The following PCDH11X variants were observed in gnomAD, a reference collection of about 807,000 sequenced individuals.
The protein encoded by PCDH11X is protocadherin 11 X-linked, also known as protocadherin-11 X-linked.
In PCDH11X, 18 loss-of-function variants were observed where a neutral mutation model predicts 53.3. The ratio of observed to expected loss-of-function variants is 0.34; its 90% CI spans 0.23 to 0.50. The LOEUF is 0.50. Among genes scored for constraint, PCDH11X ranks in the 20% least tolerant of loss-of-function variants. PCDH11X has a pLI of 0.98. For synonymous variants in PCDH11X, 279 were observed against 393.3 expected, an observed-to-expected ratio of 0.71 and a Z score of 3.44; for missense variants, 570 against 1,032.4, an observed-to-expected ratio of 0.55 and a Z score of 6.14.
In PCDH11X at chrX:91,971,378, A is replaced by G. The variant is rs773522226; in HGVS notation, c.3033+92105A>G. Among the ~76,000 whole-genome samples the G allele has an allele frequency of 2.3e-3, 253 of 108,442 alleles. 2 individuals are homozygous for G. Among genetic ancestry groups the G allele is most frequent in the African/African-American group, 8.1e-3 (239 of 29,627 alleles). The allele number at this position is 108,442 out of a possible 115,157, so 94.2% of individuals were successfully genotyped here. A position where few individuals can be genotyped will look rare whatever the true frequency, so the allele number is the denominator to read the frequency against. On this transcript the variant is annotated intron_variant, in intron 6 of 10. Transcript: ENST00000682573. ...ACTCTTGTTAAGGGGAGCTCTGTAGACATTTATGTCTGGGGGAATATGTTA... is the reference window on the plus strand; with the variant it reads ...ACTCTTGTTAAGGGGAGCTCTGTAGGCATTTATGTCTGGGGGAATATGTTA...
intron 8 of PCDH11X, among the ~76,000 whole-genome samples, chrX:92,381,385 A>G (rs1236892827): frequency 1.8e-5 from 2 of 111,529 alleles, no homozygotes; most frequent in Non-Finnish European, 3.8e-5. Flanking sequence ...TTTCATATAC[A>G]CCAGAATGGG....
chrX:92,551,109 G>T (rs1443322794), intron 10 of PCDH11X, among the ~76,000 whole-genome samples: 1 of 110,444 alleles, frequency 9.1e-6, no homozygotes, highest in Non-Finnish European at 1.9e-5. Flanking sequence ...CCAAGCAGGG[G>T]AATTGCTGGA....
intron 6 of PCDH11X, among the ~76,000 whole-genome samples, chrX:91,950,601 TATATATAC>T (rs2061628088): frequency 9.6e-6 from 1 of 103,870 alleles, no homozygotes; most frequent in African/African-American, 3.6e-5. Flanking sequence ...TATATATATA[TATATATAC>T]ACACACACAT....
chrX:92,337,122 A>G (rs1158334372), intron 8 of PCDH11X, among the ~76,000 whole-genome samples: 1 of 109,491 alleles, frequency 9.1e-6, no homozygotes, highest in Non-Finnish European at 1.9e-5. Flanking sequence ...ATGAAAAGTT[A>G]CTGGAGATAG....
At chrX:92,460,111 A>G in intron 9 of PCDH11X, 6 of 1,071,733 alleles carry the variant, frequency 5.6e-6, no homozygotes, top group Non-Finnish European at 7.7e-6. Flanking sequence ...CAATGCCTGC[A>G]TCGTTCTGCA....
intron 6 of PCDH11X, among the ~76,000 whole-genome samples, chrX:91,978,548 G>A (rs1402639099): frequency 2.7e-5 from 3 of 109,826 alleles, no homozygotes; most frequent in Admixed American, 9.7e-5. Flanking sequence ...CAGTAGTGTC[G>A]GGCACATAAT....
chrX:91,787,614 C>T (rs1250575905), intron 1 of PCDH11X, among the ~76,000 whole-genome samples: 4 of 111,162 alleles, frequency 3.6e-5, no homozygotes, highest in African/African-American at 1.3e-4. Context: ...AAAAAAAATC[C>T]TGTGATATTT....
At chrX:92,292,804 G>A (rs1195325193) in intron 8 of PCDH11X, among the ~76,000 whole-genome samples, 6 of 111,894 alleles carry the variant, frequency 5.4e-5, no homozygotes, top group African/African-American at 1.6e-4. Context: ...AAAAAGAACT[G>A]CAGTGAAAGT....
chrX:91,850,780 T>C (rs1937962823), intron 5 of PCDH11X, among the ~76,000 whole-genome samples: 1 of 110,297 alleles, frequency 9.1e-6, no homozygotes, highest in Admixed American at 9.7e-5. Context: ...GGTTTACCTA[T>C]ATATGTCCTT....
chrX:92,553,760 A>G (rs971636681), intron 10 of PCDH11X, among the ~76,000 whole-genome samples: 6 of 108,117 alleles, frequency 5.5e-5, no homozygotes, highest in Non-Finnish European at 1.2e-4. Context: ...TTGGTGTTAT[A>G]TTTCCATTAT....
chrX:92,313,297 A>G (rs1020682810), intron 8 of PCDH11X, among the ~76,000 whole-genome samples: 3 of 110,539 alleles, frequency 2.7e-5, no homozygotes, highest in Non-Finnish European at 5.7e-5. Flanking sequence ...CTTTGTCTGC[A>G]GATGATAACA....
intron 7 of PCDH11X, among the ~76,000 whole-genome samples, chrX:92,238,825 C>A (rs961127048): frequency 8.9e-6 from 1 of 111,821 alleles, no homozygotes; most frequent in Non-Finnish European, 1.9e-5. Flanking sequence ...TTATTACACA[C>A]ATACACTCTT....
At chrX:91,812,101 C>A (rs187774981) in intron 4 of PCDH11X, among the ~76,000 whole-genome samples, 4 of 111,590 alleles carry the variant, frequency 3.6e-5, no homozygotes, top group African/African-American at 1.3e-4. Context: ...ACCCCCACAA[C>A]TTTGTCACAA....
At chrX:92,177,416 T>G (rs1292480615) in intron 6 of PCDH11X, among the ~76,000 whole-genome samples, 2 of 111,829 alleles carry the variant, frequency 1.8e-5, no homozygotes, top group Non-Finnish European at 3.8e-5. Context: ...AGTGATGTAT[T>G]CTGATTTTAT....
intron 5 of PCDH11X, among the ~76,000 whole-genome samples, chrX:91,852,008 C>CTTTTTTTTTT (rs59675485): frequency 1.1e-5 from 1 of 94,475 alleles, no homozygotes. Context: ...ATTAGGAATT[C>CTTTTTTTTTT]TTTTTTTTTT....
chrX:92,572,605 C>T (rs912412768), intron 10 of PCDH11X, among the ~76,000 whole-genome samples: 2 of 108,890 alleles, frequency 1.8e-5, no homozygotes, highest in African/African-American at 3.4e-5. Flanking sequence ...TGTGGCTGGC[C>T]AGGCGCAGTG....
intron 6 of PCDH11X, among the ~76,000 whole-genome samples, chrX:91,905,506 T>A (rs1253784193): frequency 9.0e-6 from 1 of 111,518 alleles, no homozygotes; most frequent in Non-Finnish European, 1.9e-5. Context: ...CTCTAACGGA[T>A]AATCTATCAT....
intron 8 of PCDH11X, among the ~76,000 whole-genome samples, chrX:92,332,990 C>T (rs2522720): frequency 1.8e-5 from 2 of 111,849 alleles, no homozygotes; most frequent in Admixed American, 1.9e-4. Flanking sequence ...ATAAGAAATA[C>T]TGTCATATTA....
At chrX:92,484,864 G>A (rs1603342978) in intron 10 of PCDH11X, among the ~76,000 whole-genome samples, 1 of 110,767 alleles carries the variant, frequency 9.0e-6, no homozygotes, top group East Asian at 2.8e-4. Flanking sequence ...TTTTTTTAAT[G>A]TGATTGCTGT....
Sources: allele counts gnomAD v4.1 joint callset (sites outside exome capture counted in the v4.1 genomes callset), GRCh38; gene constraint gnomAD v4.1.1; transcripts MANE v1.5; gene names NCBI Gene and HGNC (gene_info 2026-07-23, HGNC 2026-07-21).